The following TXNRD2 variants were observed in gnomAD, a reference collection of about 807,000 sequenced individuals.
The protein encoded by TXNRD2 is thioredoxin reductase 2, also known as thioredoxin reductase 2, mitochondrial.
Under a neutral mutation model 70.8 loss-of-function variants are expected in TXNRD2, and 67 were observed. That is an observed-to-expected ratio of 0.95 (90% CI 0.78 to 1.16). The LOEUF is 1.16. TXNRD2 is among the 50% of genes most tolerant of loss of function. TXNRD2 has a pLI of 0.00. For missense variants in TXNRD2, 644 were observed against 719.9 expected, an observed-to-expected ratio of 0.89 and a Z score of 1.21; for synonymous variants, 301 against 295.8, an observed-to-expected ratio of 1.02 and a Z score of -0.18.
chr22:19,883,446 G>T lies in TXNRD2; in HGVS notation c.965C>A (p.Thr322Asn), dbSNP rs752178604. 14 of 1,613,962 alleles carry T rather than the reference G, an allele frequency of 8.7e-6. No homozygotes were observed. The highest frequency in any genetic ancestry group is 1.2e-5 in the Non-Finnish European group (14 of 1,180,044). ...VLWAIGRVPDTRSLNLEKAGV... is the reference protein window; with the variant it reads ...VLWAIGRVPDNRSLNLEKAGV... ...AGCCTTCTCCAAATTCAGACTTCTG[G>T]TGTCTGGGACTCGACCTGAAGGAAA... The change falls in exon 12 of 18, where the codon ACC becomes AAC. Residue 322 changes from threonine to asparagine, a missense_variant. This residue lies in a region of TXNRD2 where 566 missense variants were observed against 645.0 expected (regional missense o/e 0.88). Coordinates refer to ENST00000400521, the MANE Select transcript of TXNRD2 (RefSeq NM_006440.5).
chr22:19,919,374 C>T (rs1018783196), intron 3 of TXNRD2, among the ~76,000 whole-genome samples, 169 bp downstream of exon 3: 5 of 149,808 alleles, frequency 3.3e-5, no homozygotes. Context: ...GAGTTGTTTT[C>T]GATAATGGTC....
intron 8 of TXNRD2, among the ~76,000 whole-genome samples, chr22:19,907,041 T>C (rs1307292871): frequency 1.1e-5 from 1 of 89,068 alleles, no homozygotes; most frequent in African/African-American, 4.5e-5. Flanking sequence ...CAGTGACCGC[T>C]CTCAGGAGAG....
chr22:19,925,145 A>G (rs111619820), intron 2 of TXNRD2, among the ~76,000 whole-genome samples: 4,915 of 151,816 alleles, frequency 0.032, 310 homozygotes, highest in African/African-American at 0.1. Flanking sequence ...TTAGACGGGC[A>G]TGGTGGCATG....
Position 19,910,331 on chromosome 22 carries a change from C to T in TXNRD2, c.662+1046G>A, listed in dbSNP as rs539942886. 2.0e-5 allele frequency among the ~76,000 whole-genome samples: 3 copies of T among 152,302 alleles called. No individual in the cohort carries two copies. In the East Asian group the frequency reaches 5.8e-4, roughly 29 times the overall value. ...GTTTCTGAGGCCTTTGGAGTCTTTG[C>T]TAGATTTCAGGGAAACCCAATGTAC... On this transcript the variant is annotated intron_variant, in intron 8 of 17. Transcript: ENST00000400521.
At chr22:19,884,031 G>C (rs139656382) in intron 11 of TXNRD2, 1 of 155,132 alleles carries the variant, frequency 6.4e-6, no homozygotes, top group Non-Finnish European at 1.4e-5. Flanking sequence ...GCATGCACCC[G>C]TAATCCCAGC....
intron 11 of TXNRD2, among the ~76,000 whole-genome samples, chr22:19,885,895 T>C (rs1939007651): frequency 6.6e-6 from 1 of 151,904 alleles, no homozygotes; most frequent in Non-Finnish European, 1.5e-5. Flanking sequence ...AAGATAAATT[T>C]AAAAGTAGTC....
chr22:19,897,617 C>T (rs373802220), intron 10 of TXNRD2, among the ~76,000 whole-genome samples: 3 of 152,342 alleles, frequency 2.0e-5, no homozygotes, highest in African/African-American at 7.2e-5. Flanking sequence ...CTCACCCCAG[C>T]TCACACATTA....
At position 19,889,627 on chromosome 22, in the gene TXNRD2, A is replaced by AATTATTATTATT. The variant is rs71186634; in HGVS notation, c.949+5768_949+5779dup. 9.8e-4 allele frequency among the ~76,000 whole-genome samples: 147 copies of AATTATTATTATT among 150,388 alleles called. 1 individual carries two copies. The highest frequency in any genetic ancestry group is 3.3e-3 in the African/African-American group (134 of 40,710). On this transcript the variant is annotated intron_variant, in intron 11 of 17. Transcript: ENST00000400521. ...ACCGTCTCAAAAACAAACAAAAAAC[A>AATTATTATTATT]ATTATTATTATTATTATTATTATTA... is the stretch of plus-strand genomic sequence containing the variant.
intron 12 of TXNRD2, 32 bp downstream of exon 12, chr22:19,883,293 C>A (rs1569073039): frequency 1.2e-6 from 2 of 1,608,316 alleles, no homozygotes; most frequent in Non-Finnish European, 1.7e-6. Flanking sequence ...CAGGCAGGGG[C>A]AGGGGCCCTG....
chr22:19,909,613 A>C (rs1940244954), intron 8 of TXNRD2, among the ~76,000 whole-genome samples: 1 of 81,548 alleles, frequency 1.2e-5, no homozygotes, highest in African/African-American at 4.8e-5. Context: ...ACACACACAC[A>C]CCACACACAC....
At chr22:19,889,909 CT>C (rs5844399) in intron 11 of TXNRD2, among the ~76,000 whole-genome samples, 1 of 150,160 alleles carries the variant, frequency 6.7e-6, no homozygotes, top group African/African-American at 2.5e-5. Flanking sequence ...CCATGTTGTT[CT>C]TTTTTTTTTA....
chr22:19,919,640 G>C, intron 2 of TXNRD2, 41 bp from the exon 3 acceptor site: 2 of 1,543,384 alleles, frequency 1.3e-6, no homozygotes, highest in Non-Finnish European at 1.8e-6. Context: ...ATGGGGAGCT[G>C]GCTCAGGACT....
intron 8 of TXNRD2, among the ~76,000 whole-genome samples, chr22:19,903,310 G>A (rs1245936635): frequency 6.6e-6 from 1 of 152,262 alleles, no homozygotes; most frequent in African/African-American, 2.4e-5. Flanking sequence ...AGAGGAGGCT[G>A]CGGTCTCATT....
Position 19,898,597 on chromosome 22 carries a change from G to A in TXNRD2, c.682+452C>T, listed in dbSNP as rs918049883. Among the ~76,000 whole-genome samples, 7 of 139,922 alleles carry A rather than the reference G, an allele frequency of 5.0e-5. No homozygotes were observed. The South Asian group carries it at 6.9e-4, about 14-fold the overall frequency. The allele number at this position is 139,922 out of a possible 152,430, so 91.8% of individuals were successfully genotyped here. A position where few individuals can be genotyped will look rare whatever the true frequency, so the allele number is the denominator to read the frequency against. ...TGGCATGATCTCAGCTCACAGCAAC[G>A]TCTGCCTCCCAGGTTCAAGCGGTTC... On this transcript the variant is annotated intron_variant, in intron 9 of 17. Transcript: ENST00000400521.
At chr22:19,911,552 G>A in intron 7 of TXNRD2, 105 bp from the exon 8 acceptor site, 1 of 858,858 alleles carries the variant, frequency 1.2e-6, no homozygotes, top group Non-Finnish European at 2.0e-6. Context: ...AGCTTTCCCA[G>A]GGCACACATG....
chr22:19,915,737 G>A (rs373149271), intron 6 of TXNRD2, 28 bp downstream of exon 6: 11 of 1,611,408 alleles, frequency 6.8e-6, no homozygotes, highest in Non-Finnish European at 8.5e-6. Context: ...GGTCCACAAG[G>A]AGCCACGCGA....
intron 8 of TXNRD2, among the ~76,000 whole-genome samples, chr22:19,905,318 C>G (rs1342455415): frequency 6.6e-6 from 1 of 152,106 alleles, no homozygotes; most frequent in Non-Finnish European, 1.5e-5. Flanking sequence ...AACGAAAGAG[C>G]TTTAAAAAAA....
intron 11 of TXNRD2, among the ~76,000 whole-genome samples, chr22:19,884,756 G>A (rs1569074155): frequency 6.6e-6 from 1 of 152,200 alleles, no homozygotes; most frequent in Non-Finnish European, 1.5e-5. Context: ...CCTCTGCCCA[G>A]GTAGGGCTTG....
intron 4 of TXNRD2, 110 bp from the exon 5 acceptor site, chr22:19,918,327 A>G (rs956825599): frequency 1.9e-6 from 2 of 1,060,650 alleles, no homozygotes; most frequent in Non-Finnish European, 1.4e-6. Flanking sequence ...ATCAAAAAAC[A>G]AGAGTGCTTT....
Sources: gnomAD v4.1 joint callset for allele counts (sites outside exome capture counted in the v4.1 genomes callset) on GRCh38, gnomAD v4.1.1 for gene constraint, gnomAD v4.1.1 regional missense constraint, MANE v1.5 for transcripts, NCBI Gene and HGNC (gene_info 2026-07-23, HGNC 2026-07-21) for gene names.